Variants in SMAD2 observed in about 807,000 individuals in gnomAD.
SMAD2 encodes the protein SMAD family member 2.
Under a neutral mutation model 64.4 loss-of-function variants are expected in SMAD2, and 8 were observed. The ratio of observed to expected loss-of-function variants is 0.12; its 90% CI spans 0.07 to 0.22. The LOEUF is 0.22. Ranked by LOEUF, SMAD2 falls within the 10% of genes least tolerant of loss-of-function variation. The probability of loss-of-function intolerance (pLI) is 1.00; values close to 1 mark genes in which losing one functional copy is unlikely to be tolerated. For synonymous variants in SMAD2, 203 were observed against 195.8 expected (o/e 1.04, Z -0.31); for missense variants, 289 against 561.2 (o/e 0.51, Z 4.90).
At chr18:47,874,655 T>C (rs988243644) in intron 2 of SMAD2, among the ~76,000 whole-genome samples, 3 of 152,018 alleles carry the variant, frequency 2.0e-5, no homozygotes, top group African/African-American at 7.2e-5. Context: ...TATGAACTGA[T>C]ATGGAAAGGT....
At chr18:47,880,796 G>A (rs537211408) in intron 2 of SMAD2, among the ~76,000 whole-genome samples, 2 of 152,088 alleles carry the variant, frequency 1.3e-5, no homozygotes, top group Non-Finnish European at 2.9e-5. Flanking sequence ...CAACTAACCT[G>A]GTTGCATTCA....
Position 47,832,511 on chromosome 18 carries a change from A to C in SMAD2, c.*9316T>G, listed in dbSNP as rs1913036086. On this transcript the variant is annotated 3_prime_UTR_variant, in exon 11 of 11. Coordinates refer to ENST00000262160, the MANE Select transcript of SMAD2 (RefSeq NM_005901.6). Reference sequence around the variant, plus strand: ...CATTTGAGGTCCCTTTTTGTTGCATACTAAAGCATGTTTAAAATGGTTTGC... The same window carrying C: ...CATTTGAGGTCCCTTTTTGTTGCATCCTAAAGCATGTTTAAAATGGTTTGC... 6.6e-6 allele frequency: 1 copy of C among 152,224 alleles called. No individual in the cohort carries two copies. The highest frequency in any genetic ancestry group is 2.1e-4 in the South Asian group (1 of 4,826). The allele number at this position is 152,224 out of a possible 1,614,324, so 9.4% of individuals were successfully genotyped here. A position where few individuals can be genotyped will look rare whatever the true frequency, so the allele number is the denominator to read the frequency against.
In SMAD2 at chr18:47,844,381, A is replaced by G. The variant is rs73953610; in HGVS notation, c.1280+959T>C. ...ACATGAATATTTCTTAAGCAGGCATATGGAGTAAGCAATACGAATTGAAGA... is the reference window on the plus strand; with the variant it reads ...ACATGAATATTTCTTAAGCAGGCATGTGGAGTAAGCAATACGAATTGAAGA... On this transcript the variant is annotated intron_variant, in intron 10 of 10. Coordinates refer to ENST00000262160, the MANE Select transcript of SMAD2 (RefSeq NM_005901.6). Among the ~76,000 whole-genome samples the G allele has an allele frequency of 1.3e-3, 201 of 152,304 alleles. 1 individual carries two copies. Among genetic ancestry groups the G allele is most frequent in the African/African-American group, 4.7e-3 (197 of 41,588 alleles).
intron 2 of SMAD2, among the ~76,000 whole-genome samples, chr18:47,896,146 G>A (rs961210548): frequency 6.6e-6 from 1 of 152,202 alleles, no homozygotes; most frequent in African/African-American, 2.4e-5. Flanking sequence ...ATTAAAAAGT[G>A]AGCAGCCTCT....
At position 47,813,867 on chromosome 18, in the gene SMAD2, A is replaced by T. The variant is rs1482211512; in HGVS notation, c.*27960T>A. 6.6e-6 allele frequency: 1 copy of T among 152,036 alleles called. No individual in the cohort carries two copies. The highest frequency in any genetic ancestry group is 1.9e-4 in the East Asian group (1 of 5,168). The allele number at this position is 152,036 out of a possible 1,614,324, so 9.4% of individuals were successfully genotyped here. ...TATCCAAGGCAGAACAAAGCTCATA[A>T]TTTAACAAGAAAGGTAGGCATAGAT... On this transcript the variant is annotated 3_prime_UTR_variant, in exon 11 of 11. Coordinates refer to ENST00000262160, the MANE Select transcript of SMAD2 (RefSeq NM_005901.6).
chr18:47,848,026 A>G (rs1015474659), intron 8 of SMAD2, among the ~76,000 whole-genome samples: 1 of 152,164 alleles, frequency 6.6e-6, no homozygotes, highest in Admixed American at 6.6e-5. Context: ...TAGATATCTC[A>G]TTTCAGATGA....
chr18:47,869,466 G>C lies in SMAD2; in HGVS notation c.327-30C>G, dbSNP rs781206767. On this transcript the variant is annotated intron_variant, in intron 3 of 10. Coordinates refer to ENST00000262160, the MANE Select transcript of SMAD2 (RefSeq NM_005901.6). ...TGGGAAGCAAGGGGAAAAGAAAGGAGGGAACTTTAAAAAAAAAAAAAAAAA... is the reference window on the plus strand; with the variant it reads ...TGGGAAGCAAGGGGAAAAGAAAGGACGGAACTTTAAAAAAAAAAAAAAAAA... The C allele has an allele frequency of 6.8e-5, 99 of 1,466,342 alleles. 3 individuals carry two copies. The South Asian group carries it at 1.2e-3, about 18-fold the overall frequency. The allele number at this position is 1,466,342 out of a possible 1,614,324, so 90.8% of individuals were successfully genotyped here. A position where few individuals can be genotyped will look rare whatever the true frequency, so the allele number is the denominator to read the frequency against.
chr18:47,903,379 G>T (rs1285236122), intron 1 of SMAD2, among the ~76,000 whole-genome samples: 1 of 148,238 alleles, frequency 6.7e-6, no homozygotes, highest in Non-Finnish European at 1.5e-5. Flanking sequence ...GGGGTGGGGG[G>T]AAAGAAAATA....
At chr18:47,913,399 A>G (rs552235167) in intron 1 of SMAD2, among the ~76,000 whole-genome samples, 2 of 152,346 alleles carry the variant, frequency 1.3e-5, no homozygotes, top group South Asian at 2.1e-4. Flanking sequence ...ACATGATTTC[A>G]GTGTCCCATG....
chr18:47,929,983 G>C (rs1048399191), intron 1 of SMAD2, among the ~76,000 whole-genome samples: 26 of 151,544 alleles, frequency 1.7e-4, no homozygotes, highest in African/African-American at 5.1e-4. Context: ...CAAAGGTTAC[G>C]AGACCAAAAA....
intron 2 of SMAD2, among the ~76,000 whole-genome samples, chr18:47,888,558 T>A (rs2033030220): frequency 6.6e-6 from 1 of 152,198 alleles, no homozygotes; most frequent in African/African-American, 2.4e-5. Context: ...AAGCTTTCAA[T>A]CAAAATCCCT....
At chr18:47,914,185 C>G (rs1002193538) in intron 1 of SMAD2, among the ~76,000 whole-genome samples, 1 of 152,110 alleles carries the variant, frequency 6.6e-6, no homozygotes, top group African/African-American at 2.4e-5. Flanking sequence ...CTGACATAAA[C>G]CCTATCACTG....
chr18:47,915,642 AGAC>A (rs1427585808), intron 1 of SMAD2, among the ~76,000 whole-genome samples: 3 of 152,238 alleles, frequency 2.0e-5, no homozygotes, highest in Non-Finnish European at 4.4e-5. Flanking sequence ...TTGCTAAAAA[AGAC>A]ATTTCACCAT....
At chr18:47,918,245 G>A (rs2034413901) in intron 1 of SMAD2, among the ~76,000 whole-genome samples, 1 of 152,164 alleles carries the variant, frequency 6.6e-6, no homozygotes, top group Non-Finnish European at 1.5e-5. Context: ...CTGGGTATAA[G>A]TAGGAAGAAA....
intron 1 of SMAD2, among the ~76,000 whole-genome samples, chr18:47,914,812 T>C (rs531083418): frequency 6.6e-6 from 1 of 152,192 alleles, no homozygotes. Flanking sequence ...ATGTGTAGTA[T>C]TGCTGGTTAC....
chr18:47,923,482 G>C (rs2034645109), intron 1 of SMAD2: 1 of 152,192 alleles, frequency 6.6e-6, no homozygotes, highest in South Asian at 2.1e-4. Flanking sequence ...TCTAAATTTA[G>C]ATTAAGTAAA....
intron 1 of SMAD2, among the ~76,000 whole-genome samples, chr18:47,924,771 T>C (rs1006723666): frequency 1.3e-5 from 2 of 152,168 alleles, no homozygotes; most frequent in African/African-American, 4.8e-5. Context: ...CCTCACCACC[T>C]CACATTCTGA....
At chr18:47,917,393 A>G (rs886833966) in intron 1 of SMAD2, among the ~76,000 whole-genome samples, 7 of 152,184 alleles carry the variant, frequency 4.6e-5, no homozygotes, top group Non-Finnish European at 7.3e-5. Context: ...TGTAAAATAC[A>G]GTTGGTTGGA....
At chr18:47,871,998 G>A (rs898165033) in intron 2 of SMAD2, among the ~76,000 whole-genome samples, 3 of 152,108 alleles carry the variant, frequency 2.0e-5, no homozygotes, top group African/African-American at 7.2e-5. Flanking sequence ...GTTATTCTGG[G>A]ACTCACATGA....
Sources: gnomAD v4.1 joint callset for allele counts (sites outside exome capture counted in the v4.1 genomes callset) on GRCh38, gnomAD v4.1.1 for gene constraint, MANE v1.5 for transcripts, NCBI Gene and HGNC (gene_info 2026-07-23, HGNC 2026-07-21) for gene names.